PABIR3: variants seen among roughly 807,000 people sequenced by gnomAD.
PABIR3 encodes the protein PABIR family member 3, also known as PABIR family member 1.
PABIR3 carries 20 observed loss-of-function variants against 23.1 expected under a neutral mutation model. The ratio of observed to expected loss-of-function variants is 0.86; its 90% CI spans 0.61 to 1.26. PABIR3 has a LOEUF of 1.26. Among genes scored for constraint, PABIR3 ranks in the 50% most tolerant of loss-of-function variants. The pLI, the probability that PABIR3 is intolerant of heterozygous loss-of-function variation, is 0.00. For missense variants in PABIR3, 189 were observed against 195.4 expected (o/e 0.97, Z 0.20); for synonymous variants, 69 against 68.5 (o/e 1.01, Z -0.04).
intron 9 of PABIR3, among the ~76,000 whole-genome samples, chrX:134,850,713 A>T (rs12007251): frequency 1.6e-4 from 18 of 112,256 alleles, no homozygotes; most frequent in Non-Finnish European, 3.0e-4. Context: ...ATGATTGAAA[A>T]ATTATTTTTA....
chrX:134,801,140 A>T (rs2080057366), intron 1 of PABIR3, among the ~76,000 whole-genome samples: 1 of 112,302 alleles, frequency 8.9e-6, no homozygotes, highest in Non-Finnish European at 1.9e-5. Context: ...AAAGGTTTTA[A>T]CTGCTCAAGA....
At chrX:134,823,353 G>C in intron 3 of PABIR3, among the ~76,000 whole-genome samples, 1 of 111,354 alleles carries the variant, frequency 9.0e-6, no homozygotes, top group East Asian at 2.8e-4. Flanking sequence ...TTAAGTTCAG[G>C]TTATATATCT....
At chrX:134,816,478 G>T (rs1031623107) in intron 3 of PABIR3, among the ~76,000 whole-genome samples, 1 of 111,205 alleles carries the variant, frequency 9.0e-6, no homozygotes, top group South Asian at 3.8e-4. Context: ...CCGCCACCAC[G>T]CCCAGCTAAT....
At chrX:134,861,810 T>G in the PABIR3 span, among the ~76,000 whole-genome samples, 1 of 111,525 alleles carries the variant, frequency 9.0e-6, no homozygotes, top group Non-Finnish European at 1.9e-5. Context: ...AAGTCCATGG[T>G]CAAGTAAGTT....
chrX:134,823,193 A>G (rs754683631), intron 3 of PABIR3, among the ~76,000 whole-genome samples: 7 of 111,916 alleles, frequency 6.3e-5, no homozygotes, highest in Non-Finnish European at 7.5e-5. Context: ...ATGTTTACCT[A>G]TGTAACAAAC....
chrX:134,803,314 T>A (rs1021197322), upstream of PABIR3, among the ~76,000 whole-genome samples: 3 of 111,775 alleles, frequency 2.7e-5, no homozygotes, highest in African/African-American at 9.8e-5. Flanking sequence ...TTTTTCATTG[T>A]TCTTCCCCAC....
chrX:134,825,482 A>G (rs2081464086), intron 3 of PABIR3, among the ~76,000 whole-genome samples: 1 of 112,212 alleles, frequency 8.9e-6, no homozygotes, highest in Non-Finnish European at 1.9e-5. Flanking sequence ...AACAAATTAT[A>G]TATCCAATGT....
upstream of PABIR3, among the ~76,000 whole-genome samples, chrX:134,804,861 A>G (rs2080162187): frequency 8.9e-6 from 1 of 112,269 alleles, no homozygotes; most frequent in Admixed American, 9.5e-5. Flanking sequence ...TTTAACCACC[A>G]TCTTTTATAA....
chrX:134,836,621 T>C (rs1292516140), intron 4 of PABIR3, among the ~76,000 whole-genome samples: 2 of 111,283 alleles, frequency 1.8e-5, no homozygotes, highest in African/African-American at 3.3e-5. Flanking sequence ...GTTTCTCCTT[T>C]TCATGAAGGA....
upstream of PABIR3, among the ~76,000 whole-genome samples, chrX:134,805,691 A>T (rs1041690090): frequency 9.0e-6 from 1 of 111,142 alleles, no homozygotes; most frequent in Non-Finnish European, 1.9e-5. Flanking sequence ...TGAGGTCGGG[A>T]GTTCGAGACC....
chrX:134,861,222 C>A, the PABIR3 span, among the ~76,000 whole-genome samples: 1 of 109,171 alleles, frequency 9.2e-6, no homozygotes, highest in Non-Finnish European at 1.9e-5. Context: ...TTGCAGTGAG[C>A]CGAGATGGCG....
chrX:134,802,114 C>T (rs758959650), intron 1 of PABIR3, among the ~76,000 whole-genome samples: 2 of 107,890 alleles, frequency 1.9e-5, no homozygotes, highest in African/African-American at 6.8e-5. Context: ...GATGGAATCT[C>T]GCTTTGTCGC....
chrX:134,836,775 C>T (rs1206194361), intron 4 of PABIR3, among the ~76,000 whole-genome samples: 1 of 111,826 alleles, frequency 8.9e-6, no homozygotes, highest in African/African-American at 3.3e-5. Flanking sequence ...GGACACAATT[C>T]AACCCATAAC....
At chrX:134,849,869 CTTTTT>C (rs374919785) in intron 9 of PABIR3, among the ~76,000 whole-genome samples, 3 of 58,856 alleles carry the variant, frequency 5.1e-5, no homozygotes, top group African/African-American at 2.3e-4. Context: ...GCTCTTCTTC[CTTTTT>C]TTTTTTTTTT....
chrX:134,843,060 C>T, intron 4 of PABIR3, among the ~76,000 whole-genome samples: 1 of 107,336 alleles, frequency 9.3e-6, no homozygotes, highest in Non-Finnish European at 1.9e-5. Context: ...ATTAGCCGGG[C>T]CTGGTGGCAT....
downstream of PABIR3, among the ~76,000 whole-genome samples, chrX:134,855,021 C>T (rs180706406): frequency 1.2e-4 from 13 of 111,010 alleles, no homozygotes; most frequent in East Asian, 2.5e-3. Flanking sequence ...GGCTTTTCTG[C>T]GAAAATCATG....
chrX:134,818,210 G>C (rs942647313), intron 3 of PABIR3, among the ~76,000 whole-genome samples: 8 of 111,782 alleles, frequency 7.2e-5, no homozygotes, highest in African/African-American at 2.6e-4. Flanking sequence ...GTAAACTAGT[G>C]ATGTTCGATG....
At position 134,852,894 on chromosome X, in the gene PABIR3, G is replaced by A. The variant is rs1352254279; in HGVS notation, c.684G>A (p.Val228=). The change falls in exon 10 of 11, where the codon GTG becomes GTA. Residue 228 remains valine (V), a splice_region_variant and synonymous_variant. Transcript: ENST00000645433. The stretch of plus-strand genomic sequence containing the variant: ...CTTCCCAACTGTCAGAAAATAATGT[G>A]TAGTGAGTATTAACATGAGATTTTA... ...SDTSQLSENN[V]YLLPATFDGN... The A allele has an allele frequency of 1.0e-5, 11 of 1,100,184 alleles. No homozygotes were observed. Among genetic ancestry groups the A allele is most frequent in the Non-Finnish European group, 1.3e-5 (11 of 837,608 alleles). The allele number at this position is 1,100,184 out of a possible 1,213,427, so 90.7% of individuals were successfully genotyped here.
chrX:134,821,244 TAAAAAAA>T (rs34486506), intron 3 of PABIR3: 18 of 568,605 alleles, frequency 3.2e-5, no homozygotes, highest in African/African-American at 2.6e-4. Flanking sequence ...CCAAGCATTG[TAAAAAAA>T]AAAAAAAAAA....
Sources: gnomAD v4.1 joint callset for allele counts (sites outside exome capture counted in the v4.1 genomes callset) on GRCh38, gnomAD v4.1.1 for gene constraint, MANE v1.5 for transcripts, NCBI Gene and HGNC (gene_info 2026-07-23, HGNC 2026-07-21) for gene names.